The following CDH18 variants were observed in gnomAD, a reference collection of about 807,000 sequenced individuals.
CDH18 encodes the protein cadherin 18.
Under a neutral mutation model 67.9 loss-of-function variants are expected in CDH18, and 31 were observed. The observed-to-expected ratio is 0.46, with a 90% CI of 0.34 to 0.62. The LOEUF is 0.62. Among genes scored for constraint, CDH18 ranks in the 20% least tolerant of loss-of-function variants. CDH18 has a pLI of 0.01. For synonymous variants in CDH18, 362 were observed against 347.2 expected (o/e 1.04, Z -0.48); for missense variants, 890 against 975.5 (o/e 0.91, Z 1.17).
rs56036253 is a variant in CDH18 at position 20,102,215 on chromosome 5, AGTGTGTGTGTGTGTGT to A, written c.-517-110217_-517-110202del. Among the ~76,000 whole-genome samples the A allele has an allele frequency of 6.9e-4, 103 of 148,888 alleles. 2 individuals carry two copies. The highest frequency in any genetic ancestry group is 2.5e-3 in the African/African-American group (102 of 40,734). On this transcript the variant is annotated intron_variant, in intron 2 of 14. Coordinates refer to the CDH18 transcript ENST00000507958. ...TGAGATTGTATTCAGTGTTATGTGC[AGTGTGTGTGTGTGTGT>A]GTGTGTGTGTGTGTGTGTGTGTATT...
chr5:19,622,319 C>T (rs993780202), intron 5 of CDH18, among the ~76,000 whole-genome samples: 4 of 152,146 alleles, frequency 2.6e-5, no homozygotes, highest in Non-Finnish European at 4.4e-5. Flanking sequence ...AGAGTGAGAA[C>T]TGGAAAAATA....
chr5:19,628,799 G>A (rs1470763299), intron 5 of CDH18, among the ~76,000 whole-genome samples: 1 of 152,046 alleles, frequency 6.6e-6, no homozygotes, highest in Non-Finnish European at 1.5e-5. Context: ...ACTACTTAAA[G>A]CCCTTAACCT....
At chr5:19,825,610 T>C (rs1049536843) in intron 3 of CDH18, among the ~76,000 whole-genome samples, 39 of 151,536 alleles carry the variant, frequency 2.6e-4, no homozygotes, top group Non-Finnish European at 1.2e-4. Flanking sequence ...GAGACAGTAA[T>C]TGAAAGGAGT....
intron 1 of CDH18, among the ~76,000 whole-genome samples, chr5:20,370,939 A>G (rs1742941883): frequency 6.6e-6 from 1 of 151,934 alleles, no homozygotes; most frequent in African/African-American, 2.4e-5. Flanking sequence ...CAGGAGGCTC[A>G]GGCAGGATAA....
chr5:19,854,255 A>C (rs1039573668), intron 2 of CDH18, among the ~76,000 whole-genome samples: 1 of 152,080 alleles, frequency 6.6e-6, no homozygotes, highest in Non-Finnish European at 1.5e-5. Flanking sequence ...TAAAGGTCTG[A>C]TATCTGATTT....
At chr5:19,939,819 A>T (rs2150227563) in intron 2 of CDH18, among the ~76,000 whole-genome samples, 1 of 152,018 alleles carries the variant, frequency 6.6e-6, no homozygotes, top group African/African-American at 2.4e-5. Context: ...TAAAATTTTC[A>T]TCAGTTTTTG....
At chr5:19,811,085 A>AGAAAGAAG (rs1778606688) in intron 3 of CDH18, among the ~76,000 whole-genome samples, 2 of 20,966 alleles carry the variant, frequency 9.5e-5, no homozygotes, top group African/African-American at 2.3e-4. Flanking sequence ...AGAAAAAGAA[A>AGAAAGAAG]GAAAGAAAGA....
At chr5:19,651,222 C>T (rs1755525563) in intron 5 of CDH18, among the ~76,000 whole-genome samples, 1 of 151,826 alleles carries the variant, frequency 6.6e-6, no homozygotes, top group African/African-American at 2.4e-5. Flanking sequence ...TTTACATGAT[C>T]TCTTCAGTAT....
At chr5:19,714,023 G>C (rs960955111) in intron 5 of CDH18, among the ~76,000 whole-genome samples, 1 of 152,028 alleles carries the variant, frequency 6.6e-6, no homozygotes, top group South Asian at 2.1e-4. Flanking sequence ...GTTAGTGCAG[G>C]GCATGCATCT....
At chr5:20,231,811 T>C (rs1372324613) in intron 2 of CDH18, among the ~76,000 whole-genome samples, 1 of 152,112 alleles carries the variant, frequency 6.6e-6, no homozygotes, top group Non-Finnish European at 1.5e-5. Flanking sequence ...CTTTGGCTTA[T>C]TGGTTTCAGA....
intron 2 of CDH18, among the ~76,000 whole-genome samples, chr5:20,169,188 A>G (rs182426903): frequency 9.2e-5 from 14 of 152,266 alleles, no homozygotes; most frequent in African/African-American, 3.4e-4. Flanking sequence ...TGGATACCCC[A>G]TTCTCCATGA....
At chr5:19,702,147 TC>T (rs1366325882) in intron 5 of CDH18, among the ~76,000 whole-genome samples, 1,267 of 47,036 alleles carry the variant, frequency 0.027, 20 homozygotes, top group African/African-American at 0.062. Flanking sequence ...TCTTTCTCTC[TC>T]TTTTTTTTTT....
intron 1 of CDH18, among the ~76,000 whole-genome samples, chr5:20,405,617 C>A (rs926780989): frequency 2.0e-5 from 3 of 152,110 alleles, no homozygotes; most frequent in Non-Finnish European, 4.4e-5. Flanking sequence ...AGCTTCTGCA[C>A]AGCAAAAGAA....
intron 1 of CDH18, among the ~76,000 whole-genome samples, chr5:20,516,243 T>C (rs1581138372): frequency 6.6e-6 from 1 of 152,114 alleles, no homozygotes; most frequent in Non-Finnish European, 1.5e-5. Context: ...TGTTGGCCAC[T>C]TTTCTTTAAC....
At chr5:20,129,328 C>G (rs1749078298) in intron 2 of CDH18, among the ~76,000 whole-genome samples, 1 of 151,940 alleles carries the variant, frequency 6.6e-6, no homozygotes, top group East Asian at 1.9e-4. Context: ...TAATTTCTGC[C>G]CCTAGGTTAC....
At chr5:20,027,171 CT>C (rs1278180669) in intron 2 of CDH18, among the ~76,000 whole-genome samples, 1 of 151,940 alleles carries the variant, frequency 6.6e-6, no homozygotes, top group African/African-American at 2.4e-5. Context: ...TGATTAAACA[CT>C]TTATGTATGA....
intron 1 of CDH18, among the ~76,000 whole-genome samples, chr5:20,395,368 CTT>C (rs909194933): frequency 6.6e-6 from 1 of 152,088 alleles, no homozygotes; most frequent in Non-Finnish European, 1.5e-5. Context: ...CGTGTTCCCA[CTT>C]ATTAAGTGGG....
At chr5:20,480,724 T>G (rs1008146365) in intron 1 of CDH18, among the ~76,000 whole-genome samples, 2 of 152,158 alleles carry the variant, frequency 1.3e-5, no homozygotes, top group Non-Finnish European at 2.9e-5. Flanking sequence ...TTTTATTAGT[T>G]TTTGCTCGCT....
intron 2 of CDH18, among the ~76,000 whole-genome samples, chr5:19,942,663 T>G (rs2150236163): frequency 6.6e-6 from 1 of 152,252 alleles, no homozygotes; most frequent in Admixed American, 6.5e-5. Flanking sequence ...TCACCCTTCT[T>G]ATCTAATTTT....
Sources: allele counts gnomAD v4.1 joint callset (sites outside exome capture counted in the v4.1 genomes callset), GRCh38; gene constraint gnomAD v4.1.1; transcripts MANE v1.5; gene names NCBI Gene and HGNC (gene_info 2026-07-23, HGNC 2026-07-21).